The following NEB variants were observed in gnomAD, a reference collection of about 807,000 sequenced individuals.
NEB encodes nemaline myopathy type 2.
NEB carries 512 observed loss-of-function variants against 952.2 expected under a neutral mutation model. That is an observed-to-expected ratio of 0.54 (90% CI 0.50 to 0.58). NEB has a LOEUF of 0.58. Ranked by LOEUF, NEB falls within the 20% of genes least tolerant of loss-of-function variation. The probability of loss-of-function intolerance (pLI) is 0.00; values close to 1 mark genes in which losing one functional copy is unlikely to be tolerated. For synonymous variants in NEB, 2,900 were observed against 3,149.8 expected, an observed-to-expected ratio of 0.92 and a Z score of 2.66; for missense variants, 8,428 against 9,231.1, an observed-to-expected ratio of 0.91 and a Z score of 3.56.
At position 151,709,649 on chromosome 2, in the gene NEB, C is replaced by T. The variant is rs748388746; in HGVS notation, c.1035+7G>A. 39 of 1,574,260 alleles carry T rather than the reference C, an allele frequency of 2.5e-5. No individual in the cohort carries two copies. In the Admixed American group the frequency reaches 6.6e-4, roughly 27 times the overall value. On this transcript the variant is annotated splice_region_variant and intron_variant, in intron 12 of 181. Transcript: ENST00000397345. Reference sequence around the variant, plus strand: ...CCATCAAGATAAATGGGATGATTTCCTCATACCTTGCTAGCTGCCACACCA... The same window carrying T: ...CCATCAAGATAAATGGGATGATTTCTTCATACCTTGCTAGCTGCCACACCA...
intron 81 of NEB, among the ~76,000 whole-genome samples, chr2:151,609,127 T>A (rs529978259): frequency 1.4e-4 from 21 of 150,490 alleles, no homozygotes; most frequent in Non-Finnish European, 2.4e-4. Context: ...AAAAAAATTT[T>A]TTTAAGGGAT....
chr2:151,568,568 G>A (rs1317012013), intron 111 of NEB, 50 bp downstream of exon 111: 2 of 1,477,870 alleles, frequency 1.4e-6, no homozygotes, highest in Admixed American at 1.9e-5. Flanking sequence ...GAAAAGCTTT[G>A]GAAGTGATAT....
intron 12 of NEB, 69 bp from the exon 13 acceptor site, chr2:151,707,066 A>T: frequency 1.1e-6 from 1 of 928,418 alleles, no homozygotes; most frequent in South Asian, 1.6e-5. Flanking sequence ...TATTATGAAT[A>T]TGACATACTT....
At chr2:151,541,398 TCAC>T (rs2094041554) in intron 136 of NEB, 46 bp downstream of exon 136, 1 of 1,444,118 alleles carries the variant, frequency 6.9e-7, no homozygotes, top group Non-Finnish European at 9.6e-7. Context: ...GCACATATAA[TCAC>T]CCCCTGTGAT....
chr2:151,503,398 A>G lies in NEB; in HGVS notation c.23786T>C (p.Val7929Ala). ...TTTGACTCTCTCAATCTCTGGAGTC[A>G]CAGTGGTTGGAATGCCTGTTCCCAA... ...ENLGTGIPTT[V>A]TPEIERVKRN... Residue 7929 changes from valine to alanine, a missense_variant, in exon 166 of 182, where the codon GTG becomes GCG. By Grantham distance (64) the Val-to-Ala change is moderately conservative (BLOSUM62 0). This residue lies in a region of NEB where 3,374 missense variants were observed against 3,651.5 expected (regional missense o/e 0.92). Transcript: ENST00000397345. 6.2e-7 allele frequency: 1 copy of G among 1,613,016 alleles called. No homozygotes were observed.
chr2:151,527,619 T>C, intron 146 of NEB, 34 bp from the exon 147 acceptor site: 1 of 1,497,716 alleles, frequency 6.7e-7, no homozygotes, highest in Non-Finnish European at 9.2e-7. Flanking sequence ...AATCACTTGA[T>C]TCAGTAGGCT....
rs751842194 is a variant in NEB, at chr2:151,561,051, T to C, written c.19159A>G (p.Thr6387Ala). 8.1e-6 allele frequency: 13 copies of C among 1,609,250 alleles called. No individual in the cohort carries two copies. The highest frequency in any genetic ancestry group is 1.1e-5 in the Non-Finnish European group (13 of 1,177,256). ...IKDKYTTVLE[T>A]VDYDRTRNLK... ...TTTCTGGTTCTGTCATAATCCACTG[T>C]TTCTAGAACTGTTGTGTATTTGTCC... Residue 6387 changes from threonine (T) to alanine (A), a missense_variant, in exon 123 of 182, where the codon ACA becomes GCA. Transcript: ENST00000397345.
chr2:151,642,035 T>C (rs900698879), intron 60 of NEB, among the ~76,000 whole-genome samples: 1 of 152,114 alleles, frequency 6.6e-6, no homozygotes, highest in South Asian at 2.1e-4. Flanking sequence ...CATTGTTCAA[T>C]TCCCACCTAT....
chr2:151,581,703 A>C, intron 102 of NEB, 116 bp from the exon 103 acceptor site: 1 of 1,183,340 alleles, frequency 8.5e-7, no homozygotes, highest in Middle Eastern at 2.9e-4. Context: ...AAAAAATTTT[A>C]AGTGAATTTT....
chr2:151,671,056 C>T lies in NEB; in HGVS notation c.4473G>A (p.Val1491=), dbSNP rs2154190350. The change falls in exon 38 of 182, where the codon GTG becomes GTA. Residue 1491 remains valine (V), a synonymous_variant. Transcript: ENST00000397345. The part of the protein sequence containing the change: ...FTSVPDSMGM[V]LAQHNTKQLS... ...GCTGCTTTGTGTTATGCTGAGCCAA[C>T]ACCATGCCCATGGAATCAGGCACAC... The T allele has an allele frequency of 3.1e-6, 5 of 1,613,948 alleles. No homozygotes were observed. The highest frequency in any genetic ancestry group is 3.4e-6 in the Non-Finnish European group (4 of 1,179,848).
chr2:151,709,784 T>G, intron 11 of NEB, 21 bp from the exon 12 acceptor site: 2 of 1,520,562 alleles, frequency 1.3e-6, no homozygotes, highest in Non-Finnish European at 1.8e-6. Flanking sequence ...TCAGACAAGC[T>G]GAAGAACTGC....
At chr2:151,494,061 G>T in intron 174 of NEB, 100 bp downstream of exon 174, 1 of 1,045,798 alleles carries the variant, frequency 9.6e-7, no homozygotes, top group Non-Finnish European at 1.4e-6. Context: ...AATGTAACTG[G>T]CATTTTGTTT....
rs934898866 is a variant in NEB at position 151,733,203 on chromosome 2, A to C, written c.-29-18T>G. 2 of 1,519,938 alleles carry C rather than the reference A, an allele frequency of 1.3e-6. No homozygotes were observed. Among genetic ancestry groups the C allele is most frequent in the African/African-American group, 2.7e-5 (2 of 73,020 alleles). The allele number at this position is 1,519,938 out of a possible 1,614,324, so 94.2% of individuals were successfully genotyped here. On this transcript the variant is annotated intron_variant, in intron 2 of 181. Coordinates refer to ENST00000397345, the MANE Select transcript of NEB (RefSeq NM_001164508.2). ...CCTACAAACTTTTCATATTCCATAC[A>C]AATGAAAACATATTAGAGTCTATTC...
At chr2:151,548,581 G>GA (rs2094993155) in intron 130 of NEB, among the ~76,000 whole-genome samples, 166 bp from the exon 131 acceptor site, 1 of 152,190 alleles carries the variant, frequency 6.6e-6, no homozygotes, top group African/African-American at 2.4e-5. Flanking sequence ...TCCAGGCCTT[G>GA]AAAATTATGT....
intron 113 of NEB, among the ~76,000 whole-genome samples, chr2:151,567,703 A>C: frequency 6.6e-6 from 1 of 152,318 alleles, no homozygotes; most frequent in South Asian, 2.1e-4. Context: ...TAAAAATGAT[A>C]AAAATAAAAT....
rs564360823 is a variant in NEB, at chr2:151,636,708, G to A, written c.8995-374C>T. On this transcript the variant is annotated intron_variant, in intron 63 of 181. Transcript: ENST00000397345. ...AGGCAGGAGAATTACTTGAACCTGG[G>A]AGGCGGAAGTTGCAGTGAGCTGAGA... Among the ~76,000 whole-genome samples, 25 of 152,184 alleles carry A rather than the reference G, an allele frequency of 1.6e-4. No homozygotes were observed. In the East Asian group the frequency reaches 4.6e-3, roughly 28 times the overall value.
intron 67 of NEB, among the ~76,000 whole-genome samples, chr2:151,630,251 G>T (rs1364899460): frequency 6.6e-6 from 1 of 152,112 alleles, no homozygotes; most frequent in African/African-American, 2.4e-5. Context: ...AGTAATCAAT[G>T]TTGTTGATAG....
chr2:151,660,570 A>G (rs886892120), intron 46 of NEB, among the ~76,000 whole-genome samples: 2 of 152,198 alleles, frequency 1.3e-5, no homozygotes, highest in Non-Finnish European at 2.9e-5. Flanking sequence ...GTTTTAGCCC[A>G]TCTTAATTAA....
At chr2:151,553,237 G>A (rs2095440721) in intron 127 of NEB, among the ~76,000 whole-genome samples, 161 bp downstream of exon 127, 1 of 152,146 alleles carries the variant, frequency 6.6e-6, no homozygotes, top group South Asian at 2.1e-4. Context: ...AATGCCATAC[G>A]CCTTCCTGAG....
Sources: allele counts gnomAD v4.1 joint callset (sites outside exome capture counted in the v4.1 genomes callset), GRCh38; gene constraint gnomAD v4.1.1; regional missense constraint gnomAD v4.1.1; transcripts MANE v1.5; gene names NCBI Gene and HGNC (gene_info 2026-07-23, HGNC 2026-07-21).